Variants in RSRC1 observed in about 807,000 individuals in gnomAD.
RSRC1 encodes the protein serine/Arginine-related protein 53.
In RSRC1, 39 loss-of-function variants were observed where a neutral mutation model predicts 49.1. That is an observed-to-expected ratio of 0.79 (90% confidence interval 0.61 to 1.04). RSRC1 has a LOEUF of 1.04. Ranked by LOEUF, RSRC1 falls within the 50% of genes least tolerant of loss-of-function variation. RSRC1 has a pLI of 0.00. For synonymous variants in RSRC1, 143 were observed against 130.8 expected (o/e 1.09, Z -0.63); for missense variants, 388 against 402.4 (o/e 0.96, Z 0.31).
In RSRC1 at chr3:158,159,847, A is replaced by G. The variant is rs140036122; in HGVS notation, c.320+35856A>G. Among the ~76,000 whole-genome samples the G allele has an allele frequency of 4.9e-4, 74 of 152,224 alleles. No individual in the cohort carries two copies. In the East Asian group the frequency reaches 0.014, roughly 28 times the overall value. ...ACGAGCTACTAGTCATTTTTCAGTC[A>G]TGATTTTGTTTGTGCCCAAGCATTT... On this transcript the variant is annotated intron_variant, in intron 3 of 9. Coordinates refer to ENST00000611884, the MANE Select transcript of RSRC1 (RefSeq NM_001271838.2).
intron 5 of RSRC1, among the ~76,000 whole-genome samples, chr3:158,343,067 T>G (rs769561949): frequency 6.6e-6 from 1 of 152,162 alleles, no homozygotes; most frequent in Non-Finnish European, 1.5e-5. Context: ...CCTTGAGTAT[T>G]TAGCAGACTA....
chr3:158,327,173 T>A (rs1398855289), intron 5 of RSRC1, among the ~76,000 whole-genome samples: 1 of 152,138 alleles, frequency 6.6e-6, no homozygotes, highest in African/African-American at 2.4e-5. Flanking sequence ...GTTGATCGTT[T>A]CAAAAAACCA....
rs1721176249 is a variant in RSRC1 at position 158,203,265 on chromosome 3, A to C, written c.494+20A>C. 1 of 1,558,394 alleles carries C rather than the reference A, an allele frequency of 6.4e-7. No individual in the cohort carries two copies. Among genetic ancestry groups the C allele is most frequent in the Non-Finnish European group, 8.7e-7 (1 of 1,150,070 alleles). ...ACGTGGGTAAGTTGGAGCAAATCTT[A>C]TCTGGTAAGGACTTGGTGATTCCAT... is the stretch of plus-strand genomic sequence containing the variant. On this transcript the variant is annotated intron_variant, in intron 4 of 9. Transcript: ENST00000611884.
At chr3:158,120,732 G>A (rs1715198825) in intron 1 of RSRC1, among the ~76,000 whole-genome samples, 1 of 147,914 alleles carries the variant, frequency 6.8e-6, no homozygotes, top group Non-Finnish European at 1.5e-5. Context: ...GGTAAAAACT[G>A]CAATTACTTT....
At chr3:158,122,450 G>A (rs1715323416) in intron 2 of RSRC1, 152 bp downstream of exon 2, 2 of 533,440 alleles carry the variant, frequency 3.7e-6, no homozygotes, top group African/African-American at 2.0e-5. Flanking sequence ...TGTTCCACCA[G>A]GTCCAGTCCG....
At chr3:158,322,695 C>T (rs1236271487) in intron 5 of RSRC1, among the ~76,000 whole-genome samples, 1 of 152,118 alleles carries the variant, frequency 6.6e-6, no homozygotes, top group African/African-American at 2.4e-5. Flanking sequence ...TCTGCCCCTT[C>T]TCACTTCCTC....
chr3:158,286,153 G>A (rs951565642), intron 4 of RSRC1, among the ~76,000 whole-genome samples: 7 of 152,234 alleles, frequency 4.6e-5, no homozygotes, highest in South Asian at 4.1e-4. Flanking sequence ...AATCCTCATC[G>A]CTTTGCTGCC....
At chr3:158,269,126 A>T (rs1321137030) in intron 4 of RSRC1, among the ~76,000 whole-genome samples, 1 of 151,726 alleles carries the variant, frequency 6.6e-6, no homozygotes, top group Non-Finnish European at 1.5e-5. Flanking sequence ...TAGATCATTT[A>T]TTTTTTTTCT....
chr3:158,461,588 G>A (rs898258856), intron 7 of RSRC1, among the ~76,000 whole-genome samples: 2 of 151,786 alleles, frequency 1.3e-5, no homozygotes, highest in East Asian at 3.9e-4. Context: ...TTATGTGAGT[G>A]AAAATTTTGC....
At chr3:158,211,331 TA>T (rs1721660959) in intron 4 of RSRC1, among the ~76,000 whole-genome samples, 1 of 151,912 alleles carries the variant, frequency 6.6e-6, no homozygotes, top group Non-Finnish European at 1.5e-5. Flanking sequence ...CTCATACAAA[TA>T]TACATGAACA....
At chr3:158,246,677 A>G (rs1464304228) in intron 4 of RSRC1, among the ~76,000 whole-genome samples, 1 of 152,130 alleles carries the variant, frequency 6.6e-6, no homozygotes, top group East Asian at 1.9e-4. Flanking sequence ...TGGGTTGGCA[A>G]TTCTTTTCTT....
chr3:158,143,423 G>C (rs1013345052), intron 3 of RSRC1, among the ~76,000 whole-genome samples: 8 of 152,096 alleles, frequency 5.3e-5, no homozygotes, highest in African/African-American at 1.9e-4. Context: ...GCATGATGTG[G>C]TTCTTTTAAT....
intron 3 of RSRC1, among the ~76,000 whole-genome samples, chr3:158,196,511 GC>G (rs1229972615): frequency 2.6e-5 from 4 of 152,178 alleles, no homozygotes; most frequent in African/African-American, 9.6e-5. Context: ...CTGCCTGATT[GC>G]CCTGGCCAGA....
chr3:158,536,203 C>A lies in RSRC1; in HGVS notation c.653-889C>A, dbSNP rs544193732. Among the ~76,000 whole-genome samples, 23 of 151,486 alleles carry A rather than the reference C, an allele frequency of 1.5e-4. No individual in the cohort carries two copies. The East Asian group carries it at 2.5e-3, about 17-fold the overall frequency. Reference sequence around the variant, plus strand: ...ATACTCTTCACCAAAAGAAATTGAACCTTAATGTAATTAAACCTATAGGTT... The same window carrying A: ...ATACTCTTCACCAAAAGAAATTGAAACTTAATGTAATTAAACCTATAGGTT... On this transcript the variant is annotated intron_variant, in intron 7 of 9. Transcript: ENST00000611884.
chr3:158,121,781 A>T (rs898921342), intron 1 of RSRC1, among the ~76,000 whole-genome samples: 5 of 152,234 alleles, frequency 3.3e-5, no homozygotes, highest in African/African-American at 9.6e-5. Context: ...CTTGTCAAGA[A>T]GCCAGGCACA....
intron 1 of RSRC1, among the ~76,000 whole-genome samples, chr3:158,114,346 A>T (rs1045302840): frequency 1.3e-5 from 2 of 152,042 alleles, no homozygotes; most frequent in African/African-American, 4.8e-5. Flanking sequence ...ATTCTGTTCC[A>T]TTGGTCTATG....
chr3:158,223,567 C>A (rs1016392086), intron 4 of RSRC1, among the ~76,000 whole-genome samples: 10 of 149,096 alleles, frequency 6.7e-5, no homozygotes, highest in African/African-American at 2.5e-4. Flanking sequence ...ATTTTGCCAC[C>A]TGATCTATAG....
intron 1 of RSRC1, among the ~76,000 whole-genome samples, chr3:158,112,517 A>T (rs1220666156): frequency 6.6e-6 from 1 of 152,204 alleles, no homozygotes. Flanking sequence ...AACTATAACA[A>T]AGAAATATGG....
intron 8 of RSRC1, among the ~76,000 whole-genome samples, chr3:158,541,026 A>C (rs1024196682): frequency 1.3e-5 from 2 of 152,222 alleles, no homozygotes; most frequent in African/African-American, 2.4e-5. Context: ...ATACCCATGC[A>C]GAGTGGTGAT....
Sources: gnomAD v4.1 joint callset for allele counts (sites outside exome capture counted in the v4.1 genomes callset) on GRCh38, gnomAD v4.1.1 for gene constraint, MANE v1.5 for transcripts, NCBI Gene and HGNC (gene_info 2026-07-23, HGNC 2026-07-21) for gene names.